The following SAMMSON variants were observed in gnomAD, a reference collection of about 807,000 sequenced individuals.
SAMMSON encodes the protein survival associated mitochondrial melanoma specific oncogenic non-coding RNA.
chr3:70,288,467 C>T (rs1158557974), intron 6 of SAMMSON, among the ~76,000 whole-genome samples: 1 of 151,184 alleles, frequency 6.6e-6, no homozygotes, highest in Non-Finnish European at 1.5e-5. Context: ...CTGAGGAGAA[C>T]TTTACTTCCA....
chr3:70,049,278 A>C (rs1376466001), intron 3 of SAMMSON, among the ~76,000 whole-genome samples: 1 of 152,104 alleles, frequency 6.6e-6, no homozygotes, highest in African/African-American at 2.4e-5. Context: ...ACTTCAGTAC[A>C]TCTCACCTAG....
At chr3:70,353,173 A>T (rs1454799961) in intron 7 of SAMMSON, among the ~76,000 whole-genome samples, 1 of 152,068 alleles carries the variant, frequency 6.6e-6, no homozygotes, top group East Asian at 1.9e-4. Context: ...CATGATTTAT[A>T]AAAGGAAAAA....
At chr3:70,126,393 T>C in intron 4 of SAMMSON, 1 of 867,322 alleles carries the variant, frequency 1.2e-6, no homozygotes, top group Non-Finnish European at 1.9e-6. Context: ...AGCTGCTTTT[T>C]AGGGAATGTG....
chr3:70,191,511 T>C (rs560232325), intron 4 of SAMMSON, among the ~76,000 whole-genome samples: 1 of 152,180 alleles, frequency 6.6e-6, no homozygotes, highest in Non-Finnish European at 1.5e-5. Flanking sequence ...CATAGATAAA[T>C]GAGGCAAAGC....
intron 4 of SAMMSON, among the ~76,000 whole-genome samples, chr3:70,182,529 G>A (rs1293699899): frequency 2.0e-5 from 3 of 152,168 alleles, no homozygotes; most frequent in African/African-American, 7.2e-5. Flanking sequence ...TTGGAGCGGG[G>A]TGGAGCTCAT....
At chr3:70,269,383 A>G (rs1045933470) in intron 6 of SAMMSON, among the ~76,000 whole-genome samples, 4 of 152,158 alleles carry the variant, frequency 2.6e-5, no homozygotes, top group Non-Finnish European at 5.9e-5. Flanking sequence ...ACACCCTGTA[A>G]CCTACTTAGG....
chr3:70,247,605 CATT>C (rs1701719746), intron 4 of SAMMSON, among the ~76,000 whole-genome samples: 1 of 151,738 alleles, frequency 6.6e-6, no homozygotes, highest in South Asian at 2.1e-4. Flanking sequence ...TAATATATAA[CATT>C]ATATCTCTTT....
At chr3:70,064,403 T>C (rs1467218712) in intron 3 of SAMMSON, among the ~76,000 whole-genome samples, 2 of 152,116 alleles carry the variant, frequency 1.3e-5, no homozygotes, top group Admixed American at 6.6e-5. Context: ...GGGATCCTTC[T>C]CTCTCAAAGT....
chr3:70,024,080 A>G (rs1051721789), intron 3 of SAMMSON, among the ~76,000 whole-genome samples: 1 of 152,120 alleles, frequency 6.6e-6, no homozygotes, highest in Non-Finnish European at 1.5e-5. Flanking sequence ...TAGCAGGTCT[A>G]CGCAATTCTG....
intron 7 of SAMMSON, among the ~76,000 whole-genome samples, chr3:70,333,547 A>G (rs1702640598): frequency 6.6e-6 from 1 of 152,152 alleles, no homozygotes; most frequent in African/African-American, 2.4e-5. Context: ...AAGAAAACAT[A>G]ACCTTTTACA....
intron 4 of SAMMSON, among the ~76,000 whole-genome samples, chr3:70,107,096 A>G (rs974987378): frequency 2.6e-5 from 4 of 152,240 alleles, no homozygotes; most frequent in African/African-American, 9.6e-5. Context: ...TAAATATGCC[A>G]TCAAGAAATT....
intron 4 of SAMMSON, among the ~76,000 whole-genome samples, chr3:70,134,935 A>C (rs1048695895): frequency 2.0e-5 from 3 of 152,202 alleles, no homozygotes; most frequent in African/African-American, 7.2e-5. Context: ...TTTGAATAAA[A>C]TTAAAGTACA....
At chr3:70,012,111 A>T (rs976551905) in intron 1 of SAMMSON, among the ~76,000 whole-genome samples, 1 of 152,106 alleles carries the variant, frequency 6.6e-6, no homozygotes. Flanking sequence ...GCTGGAGGAA[A>T]GAGATGTGAC....
At chr3:70,358,357 A>G (rs1001307485) in intron 9 of SAMMSON, 2 of 152,188 alleles carry the variant, frequency 1.3e-5, no homozygotes, top group African/African-American at 4.8e-5. Flanking sequence ...ATGAGTATTT[A>G]CACTACAGAA....
At chr3:70,076,496 T>A (rs2067249038) in intron 4 of SAMMSON, among the ~76,000 whole-genome samples, 2 of 152,166 alleles carry the variant, frequency 1.3e-5, no homozygotes, top group Non-Finnish European at 2.9e-5. Flanking sequence ...ACTGATTTCT[T>A]TGAAGTGACA....
chr3:70,293,352 A>G (rs1702257861), intron 7 of SAMMSON, among the ~76,000 whole-genome samples: 1 of 152,190 alleles, frequency 6.6e-6, no homozygotes, highest in African/African-American at 2.4e-5. Context: ...TTATTAATAC[A>G]TTAAATAAGA....
chr3:70,239,993 A>G (rs970214866), intron 4 of SAMMSON, among the ~76,000 whole-genome samples: 2 of 152,088 alleles, frequency 1.3e-5, no homozygotes, highest in Admixed American at 6.6e-5. Flanking sequence ...GAAAATACCT[A>G]ATATTCTAAT....
chr3:70,042,054 T>C (rs563399973), intron 3 of SAMMSON, among the ~76,000 whole-genome samples: 47 of 152,230 alleles, frequency 3.1e-4, no homozygotes, highest in African/African-American at 1.1e-3. Context: ...CCGTCTACTC[T>C]GAACTTCATT....
chr3:70,348,723 T>C (rs1008505864), intron 7 of SAMMSON, among the ~76,000 whole-genome samples: 8 of 151,492 alleles, frequency 5.3e-5, no homozygotes, highest in African/African-American at 1.9e-4. Flanking sequence ...GAGCAGAGAG[T>C]GTGATAACTA....
Sources: allele counts gnomAD v4.1 joint callset (sites outside exome capture counted in the v4.1 genomes callset), GRCh38; gene constraint gnomAD v4.1.1; transcripts MANE v1.5; gene names NCBI Gene and HGNC (gene_info 2026-07-23, HGNC 2026-07-21).